Variants in DENND2B observed in about 807,000 individuals in gnomAD.
DENND2B encodes DENN domain-containing protein 2B.
DENND2B carries 32 observed loss-of-function variants against 116.0 expected under a neutral mutation model. The observed-to-expected ratio is 0.28, with a 90% CI of 0.21 to 0.37. DENND2B has a LOEUF of 0.37. Among genes scored for constraint, DENND2B ranks in the 10% least tolerant of loss-of-function variants. The pLI, the probability that DENND2B is intolerant of heterozygous loss-of-function variation, is 1.00. For missense variants in DENND2B, 1,276 were observed against 1,477.7 expected, an observed-to-expected ratio of 0.86 and a Z score of 2.24; for synonymous variants, 588 against 583.9, an observed-to-expected ratio of 1.01 and a Z score of -0.10.
intron 1 of DENND2B, among the ~76,000 whole-genome samples, chr11:8,898,232 A>T (rs181795352): frequency 1.2e-4 from 19 of 152,200 alleles, no homozygotes; most frequent in Non-Finnish European, 2.6e-4. Flanking sequence ...AAAGAGATTT[A>T]AAAATAAAAC....
intron 2 of DENND2B, among the ~76,000 whole-genome samples, chr11:8,746,754 A>G (rs1167882121): frequency 6.6e-6 from 1 of 152,202 alleles, no homozygotes; most frequent in Non-Finnish European, 1.5e-5. Context: ...AAACCAGGCT[A>G]AGTTTGACTT....
At chr11:8,750,246 G>T (rs980099965) in intron 2 of DENND2B, among the ~76,000 whole-genome samples, 2 of 152,080 alleles carry the variant, frequency 1.3e-5, no homozygotes, top group Non-Finnish European at 2.9e-5. Flanking sequence ...GCTAATATGC[G>T]TAACTGCCTC....
At position 8,730,541 on chromosome 11, in the gene DENND2B, C is replaced by T. The variant is rs77432534; in HGVS notation, c.749G>A (p.Arg250Gln). 1,148 of 1,613,162 alleles carry T rather than the reference C, an allele frequency of 7.1e-4. 8 individuals carry two copies. The Admixed American group carries it at 0.013, about 19-fold the overall frequency. ...TEEEGEALPV[R>Q]DSFYRLEKRL... ...TTTCTCCAGCCGGTAGAAAGAGTCC[C>T]GGACAGGGAGCGCCTCTCCCTCCTC... Residue 250 changes from arginine (R) to glutamine (Q), a missense_variant, in exon 3 of 20, where the codon CGG (arginine) becomes CAG (glutamine). By Grantham distance (43) the Arg-to-Gln change is conservative (BLOSUM62 1). Around this residue, in one of 2 missense-constraint regions of DENND2B, gnomAD observed 856 missense variants for 846.6 expected, o/e 1.01. Coordinates refer to ENST00000313726, the MANE Select transcript of DENND2B (RefSeq NM_213618.2). The surrounding 1 kb of genome is among the most constrained non-coding windows in gnomAD (Gnocchi z 4.1).
intron 14 of DENND2B, among the ~76,000 whole-genome samples, chr11:8,701,854 A>C (rs992382685): frequency 2.0e-5 from 3 of 151,608 alleles, no homozygotes; most frequent in African/African-American, 7.3e-5. Context: ...TAAAATCATA[A>C]ATGCCAGCAT....
At chr11:8,892,342 A>G (rs1415676372) in intron 1 of DENND2B, among the ~76,000 whole-genome samples, 4 of 152,176 alleles carry the variant, frequency 2.6e-5, no homozygotes, top group Non-Finnish European at 2.9e-5. Context: ...AAGAACTAGA[A>G]AAGCAAGAGC....
chr11:8,767,093 A>G (rs2055959033), intron 1 of DENND2B, among the ~76,000 whole-genome samples: 1 of 152,166 alleles, frequency 6.6e-6, no homozygotes, highest in Non-Finnish European at 1.5e-5. Flanking sequence ...CAGAGTAAGG[A>G]GAGGCTCCAG....
intron 2 of DENND2B, among the ~76,000 whole-genome samples, chr11:8,734,993 G>A (rs536434129): frequency 1.4e-5 from 2 of 140,228 alleles, no homozygotes; most frequent in Non-Finnish European, 1.5e-5. Context: ...GATCCTGAAC[G>A]CTGTCGGGGC....
At chr11:8,700,169 T>C (rs770252511) in intron 14 of DENND2B, among the ~76,000 whole-genome samples, 2 of 151,122 alleles carry the variant, frequency 1.3e-5, no homozygotes, top group Admixed American at 6.7e-5. Context: ...GCCACTAAGG[T>C]CAGGCCAGGC....
In DENND2B at chr11:8,712,496, G is replaced by C. The variant is rs1443571780; in HGVS notation, c.2172+55C>G. 5.9e-5 allele frequency: 89 copies of C among 1,508,042 alleles called. No individual in the cohort carries two copies. Among genetic ancestry groups the C allele is most frequent in the Non-Finnish European group, 6.3e-6 (7 of 1,117,568 alleles). The allele number at this position is 1,508,042 out of a possible 1,614,324, so 93.4% of individuals were successfully genotyped here. On this transcript the variant is annotated intron_variant, in intron 9 of 19. Transcript: ENST00000313726. This position sits in a 1 kb window ranked among gnomAD's most constrained non-coding sequence, Gnocchi z 4.4. ...TCTCCTTCCCCAGATAGGCCTGGCGGATAGAGGATGGAAGAGGGGGAATAT... is the reference window on the plus strand; with the variant it reads ...TCTCCTTCCCCAGATAGGCCTGGCGCATAGAGGATGGAAGAGGGGGAATAT...
At position 8,695,479 on chromosome 11, in the gene DENND2B, C is replaced by T. The variant is rs2040199889; in HGVS notation, c.3363G>A (p.Lys1121=). 1 of 1,613,918 alleles carries T rather than the reference C, an allele frequency of 6.2e-7. No homozygotes were observed. The highest frequency in any genetic ancestry group is 1.3e-5 in the African/African-American group (1 of 75,038). ...LPDTEQSGMN[K]FLRGLGNKMK... ...GCCACTTACCCAAACCTCGGAGAAACTTATTCATTCCACTCTGCTCAGTGT... is the reference window on the plus strand; with the variant it reads ...GCCACTTACCCAAACCTCGGAGAAATTTATTCATTCCACTCTGCTCAGTGT... Residue 1121 remains lysine, a synonymous_variant, in exon 19 of 20, where the codon AAG becomes AAA. Coordinates refer to ENST00000313726, the MANE Select transcript of DENND2B (RefSeq NM_213618.2).
chr11:8,865,104 A>G (rs2063529562), intron 2 of DENND2B, among the ~76,000 whole-genome samples: 1 of 132,422 alleles, frequency 7.6e-6, no homozygotes, highest in Non-Finnish European at 1.7e-5. Context: ...ACAAAGGGTT[A>G]AGCAGATTAT....
At chr11:8,740,863 G>A (rs982869966) in intron 2 of DENND2B, among the ~76,000 whole-genome samples, 6 of 152,190 alleles carry the variant, frequency 3.9e-5, no homozygotes, top group African/African-American at 1.4e-4. Context: ...TTCTCACTGC[G>A]CTACCCTAAA....
chr11:8,725,650 G>A (rs1475534120), intron 4 of DENND2B, among the ~76,000 whole-genome samples: 1 of 152,112 alleles, frequency 6.6e-6, no homozygotes, highest in Non-Finnish European at 1.5e-5. Flanking sequence ...GAGCCACCAT[G>A]CCCGGCTCGA....
chr11:8,880,345 C>CTGTGTGTGTG (rs56051922), intron 2 of DENND2B, among the ~76,000 whole-genome samples: 11,923 of 120,014 alleles, frequency 0.099, 607 homozygotes, highest in East Asian at 0.16. Flanking sequence ...TCACTTTGAA[C>CTGTGTGTGTG]TGTGTGTGTG....
intron 1 of DENND2B, among the ~76,000 whole-genome samples, chr11:8,788,802 CCTGT>C (rs1474207757): frequency 1.4e-4 from 22 of 152,230 alleles, no homozygotes; most frequent in African/African-American, 9.6e-5. Context: ...AATTTCCCTT[CCTGT>C]CTATCTTTTG....
intron 2 of DENND2B, among the ~76,000 whole-genome samples, chr11:8,733,803 C>A (rs187307541): frequency 9.2e-5 from 14 of 152,192 alleles, no homozygotes; most frequent in Non-Finnish European, 1.6e-4. Context: ...GGCTCCAGCA[C>A]GAATAAATCC....
At chr11:8,870,074 T>G (rs1379055289) in intron 2 of DENND2B, among the ~76,000 whole-genome samples, 1 of 152,214 alleles carries the variant, frequency 6.6e-6, no homozygotes, top group Non-Finnish European at 1.5e-5. Context: ...AAAACAGTCT[T>G]GCAGATGGGA....
chr11:8,897,498 G>A (rs1468607909), intron 1 of DENND2B, among the ~76,000 whole-genome samples: 3 of 152,176 alleles, frequency 2.0e-5, no homozygotes, highest in African/African-American at 4.8e-5. Context: ...TCAGAAACAT[G>A]TGATCTTGGT....
At chr11:8,741,602 A>G (rs2133990392) in intron 2 of DENND2B, among the ~76,000 whole-genome samples, 1 of 152,236 alleles carries the variant, frequency 6.6e-6, no homozygotes, top group East Asian at 1.9e-4. Flanking sequence ...AGTCAAAATA[A>G]CCCCTCCTCT....
Sources: gnomAD v4.1 joint callset for allele counts (sites outside exome capture counted in the v4.1 genomes callset) on GRCh38, gnomAD v4.1.1 for gene constraint, gnomAD v4.1.1 regional missense constraint, Gnocchi (gnomAD v3.1) non-coding constraint, MANE v1.5 for transcripts, NCBI Gene and HGNC (gene_info 2026-07-23, HGNC 2026-07-21) for gene names.